The following PYGL variants were observed in gnomAD, a reference collection of about 807,000 sequenced individuals.
PYGL encodes glycogen phosphorylase L, also known as glycogen phosphorylase, liver form.
Under a neutral mutation model 100.1 loss-of-function variants are expected in PYGL, and 90 were observed. The ratio of observed to expected loss-of-function variants is 0.90; its 90% CI spans 0.76 to 1.07. The LOEUF (loss-of-function observed/expected upper bound fraction) is 1.07, where lower values mean the gene tolerates loss of function less well. Ranked by LOEUF, PYGL falls within the 50% of genes least tolerant of loss-of-function variation. The pLI, the probability that PYGL is intolerant of heterozygous loss-of-function variation, is 0.00. For synonymous variants in PYGL, 373 were observed against 393.0 expected (o/e 0.95, Z 0.60); for missense variants, 1,016 against 1,057.6 (o/e 0.96, Z 0.55).
chr14:50,928,805 G>A (rs1361473622), intron 4 of PYGL, among the ~76,000 whole-genome samples: 1 of 152,098 alleles, frequency 6.6e-6, no homozygotes, highest in Non-Finnish European at 1.5e-5. Context: ...TTGAGTGGGG[G>A]CATGACTATA....
rs2142791255 is a variant in PYGL at position 50,911,964 on chromosome 14, T to C, written c.1827+14A>G. On this transcript the variant is annotated intron_variant, in intron 15 of 19. Transcript: ENST00000216392. ...TTAGAGCCCTCAAGTCCCCATTGAA[T>C]AGATTCAACTTACTTTACCACCAAT... is the stretch of plus-strand genomic sequence containing the variant. 6.2e-7 allele frequency: 1 copy of C among 1,613,304 alleles called. No homozygotes were observed. Among genetic ancestry groups the C allele is most frequent in the East Asian group, 2.2e-5 (1 of 44,868 alleles).
intron 1 of PYGL, among the ~76,000 whole-genome samples, chr14:50,941,801 C>T (rs2050704346): frequency 6.6e-6 from 1 of 152,166 alleles, no homozygotes; most frequent in African/African-American, 2.4e-5. Context: ...TCACTTGAAC[C>T]CGAGAGGCAG....
chr14:50,920,541 A>G lies in PYGL; in HGVS notation c.855T>C (p.Asn285=), dbSNP rs1021208241. Residue 285 remains asparagine, a splice_region_variant and synonymous_variant, in exon 7 of 20, where the codon AAT becomes AAC. Coordinates refer to ENST00000216392, the MANE Select transcript of PYGL (RefSeq NM_002863.5). ...TAAGAAAGCAACCTTGATCACTCACATTGTCATTGGGATAGAGGACCCGGG... is the reference window on the plus strand; with the variant it reads ...TAAGAAAGCAACCTTGATCACTCACGTTGTCATTGGGATAGAGGACCCGGG... ...NISRVLYPND[N]FFEGKELRLK... is the part of the protein sequence containing the mutation. 1.9e-6 allele frequency: 3 copies of G among 1,609,132 alleles called. No homozygotes were observed. Among genetic ancestry groups the G allele is most frequent in the Non-Finnish European group, 2.6e-6 (3 of 1,175,498 alleles).
chr14:50,944,168 C>T lies in PYGL; in HGVS notation c.236G>A (p.Cys79Tyr), dbSNP rs749441353. The change falls in exon 1 of 20, where the codon TGC becomes TAC. Residue 79 changes from cysteine (C) to tyrosine (Y), a missense_variant. Coordinates refer to ENST00000216392, the MANE Select transcript of PYGL (RefSeq NM_002863.5). ...CGTCCCGCCCCCGGTTACCTTGGGGCACTTGTCGTAGTAGTGCTGCTGCGT... is the reference window on the plus strand; with the variant it reads ...CGTCCCGCCCCCGGTTACCTTGGGGTACTTGTCGTAGTAGTGCTGCTGCGT... Reference protein sequence around the residue: ...IRTQQHYYDKCPKRVYYLSLE... With the variant: ...IRTQQHYYDKYPKRVYYLSLE... 7 of 1,605,552 alleles carry T rather than the reference C, an allele frequency of 4.4e-6. No individual in the cohort carries two copies. Among genetic ancestry groups the T allele is most frequent in the Non-Finnish European group, 5.9e-6 (7 of 1,179,028 alleles).
In PYGL at chr14:50,915,459, C is replaced by T. The variant is rs767752682; in HGVS notation, c.1280G>A (p.Arg427Lys). The T allele has an allele frequency of 6.2e-7, 1 of 1,614,212 alleles. No homozygotes were observed. The highest frequency in any genetic ancestry group is 1.1e-5 in the South Asian group (1 of 91,082). Residue 427 changes from arginine to lysine, a missense_variant, in exon 11 of 20, where the codon AGA (arginine) becomes AAA (lysine). Transcript: ENST00000216392. Reference sequence around the variant, plus strand: ...TTCCTCTTCTATCAGAGACATCCTTCTCAGACGGTCCACATCTTTAGGAAA... The same window carrying T: ...TTCCTCTTCTATCAGAGACATCCTTTTCAGACGGTCCACATCTTTAGGAAA... ...ALFPKDVDRL[R>K]RMSLIEEEGS...
At chr14:50,924,903 C>A (rs1356388499) in intron 4 of PYGL, among the ~76,000 whole-genome samples, 1 of 152,134 alleles carries the variant, frequency 6.6e-6, no homozygotes, top group African/African-American at 2.4e-5. Flanking sequence ...ACAAACACAT[C>A]AAAATAAGAA....
At chr14:50,922,079 G>A (rs865794711) in intron 5 of PYGL, among the ~76,000 whole-genome samples, 24 of 152,164 alleles carry the variant, frequency 1.6e-4, no homozygotes, top group African/African-American at 5.3e-4. Context: ...ACAGTGCATC[G>A]AAAATTCAAG....
At position 50,908,826 on chromosome 14, in the gene PYGL, A is replaced by C; in HGVS notation, c.2307T>G (p.His769Gln). 1 of 1,565,558 alleles carries C rather than the reference A, an allele frequency of 6.4e-7. No homozygotes were observed. Among genetic ancestry groups the C allele is most frequent in the Non-Finnish European group, 8.8e-7 (1 of 1,135,838 alleles). Residue 769 changes from histidine to glutamine, a missense_variant, in exon 18 of 20, where the codon CAT becomes CAG. His to Gln is a conservative substitution (Grantham distance 24). Transcript: ENST00000216392. ...FKDIINMLFY[H>Q]DRFKVFADYE... The stretch of plus-strand genomic sequence containing the variant: ...ATCTTCTTATGGGAACTCACCTGTC[A>C]TGATAAAATAGCATGTTGATGATAT...
chr14:50,926,853 T>C (rs2050553211), intron 4 of PYGL, among the ~76,000 whole-genome samples: 1 of 152,136 alleles, frequency 6.6e-6, no homozygotes, highest in African/African-American at 2.4e-5. Flanking sequence ...CAAAATACTT[T>C]ATGCTGCACT....
At chr14:50,935,993 C>A (rs562873644) in intron 2 of PYGL, among the ~76,000 whole-genome samples, 15 of 152,322 alleles carry the variant, frequency 9.8e-5, no homozygotes, top group African/African-American at 3.4e-4. Context: ...TAGCTCCCTG[C>A]CCCAAAGTGC....
Position 50,920,536 on chromosome 14 carries a change from C to T in PYGL, c.855+5G>A. On this transcript the variant is annotated splice_donor_5th_base_variant and intron_variant, in intron 7 of 19. Transcript: ENST00000216392. Reference sequence around the variant, plus strand: ...GCCACTAAGAAAGCAACCTTGATCACTCACATTGTCATTGGGATAGAGGAC... The same window carrying T: ...GCCACTAAGAAAGCAACCTTGATCATTCACATTGTCATTGGGATAGAGGAC... 4.4e-6 allele frequency: 7 copies of T among 1,607,346 alleles called. No homozygotes were observed. Among genetic ancestry groups the T allele is most frequent in the African/African-American group, 1.3e-5 (1 of 74,876 alleles).
rs906600790 is a variant in PYGL at position 50,940,088 on chromosome 14, C to T, written c.244-2251G>A. 7.9e-5 allele frequency among the ~76,000 whole-genome samples: 12 copies of T among 152,156 alleles called. 1 individual carries two copies. Among genetic ancestry groups the T allele is most frequent in the Non-Finnish European group, 1.3e-4 (9 of 68,036 alleles). ...ACCCTCACCAGCTATTAGATACCTT[C>T]GAATGATTGGATAAAAGTACCTTCT... is the stretch of plus-strand genomic sequence containing the variant. On this transcript the variant is annotated intron_variant, in intron 1 of 19. Coordinates refer to ENST00000216392, the MANE Select transcript of PYGL (RefSeq NM_002863.5).
intron 4 of PYGL, among the ~76,000 whole-genome samples, chr14:50,926,810 GACATCAACA>G: frequency 6.8e-6 from 1 of 146,414 alleles, no homozygotes; most frequent in African/African-American, 2.5e-5. Context: ...ATAAAATGAT[GACATCAACA>G]AAGGATCAAA....
At chr14:50,918,464 G>GTA (rs989859371) in intron 7 of PYGL, among the ~76,000 whole-genome samples, 3 of 152,254 alleles carry the variant, frequency 2.0e-5, no homozygotes, top group South Asian at 2.1e-4. Context: ...ACAATATGTG[G>GTA]TATATATATA....
At position 50,923,935 on chromosome 14, in the gene PYGL, TACAAAACGCTGGCTATACGAGC is replaced by T. The variant is rs2050523960; in HGVS notation, c.660+12_660+33del. 4 of 1,598,980 alleles carry T rather than the reference TACAAAACGCTGGCTATACGAGC, an allele frequency of 2.5e-6. No individual in the cohort carries two copies. Among genetic ancestry groups the T allele is most frequent in the Non-Finnish European group, 3.4e-6 (4 of 1,166,444 alleles). On this transcript the variant is annotated intron_variant, in intron 5 of 19. Coordinates refer to ENST00000216392, the MANE Select transcript of PYGL (RefSeq NM_002863.5). ...GTATTATCTACTGTACTAAATACTA[TACAAAACGCTGGCTATACGAGC>T]ACTCTGAATACTTGAGTGTCAATCC...
At position 50,905,363 on chromosome 14, in the gene PYGL, G is replaced by A. The variant is rs1426074985; in HGVS notation, c.*29C>T. 80 of 1,578,800 alleles carry A rather than the reference G, an allele frequency of 5.1e-5. No individual in the cohort carries two copies. Among genetic ancestry groups the A allele is most frequent in the Non-Finnish European group, 6.8e-5 (79 of 1,155,674 alleles). On this transcript the variant is annotated 3_prime_UTR_variant, in exon 20 of 20. Coordinates refer to ENST00000216392, the MANE Select transcript of PYGL (RefSeq NM_002863.5). The stretch of plus-strand genomic sequence containing the variant: ...TAAAAATGTTCAAGTTCAGTAAGAA[G>A]CTATGTTTTCTAGAGACAATTCTAG...
chr14:50,920,402 C>T (rs1300624983), intron 7 of PYGL, 139 bp downstream of exon 7: 11 of 854,684 alleles, frequency 1.3e-5, no homozygotes, highest in Non-Finnish European at 2.1e-5. Context: ...GAGAAATCTA[C>T]ACAATTCAGG....
In PYGL at chr14:50,912,184, G is replaced by C; in HGVS notation, c.1740C>G (p.Asn580Lys). ...RIHEYKRQLLNCLHVITMYNR... is the reference protein window; with the variant it reads ...RIHEYKRQLLKCLHVITMYNR... ...TGTACATCGTGATCACATGCAGACA[G>C]TTCAAGAGCTGTCGCTTGTACTCAT... The change falls in exon 14 of 20, where the codon AAC becomes AAG. Residue 580 changes from asparagine (N) to lysine (K), a missense_variant. Asn to Lys is a moderately conservative substitution (Grantham distance 94). Coordinates refer to ENST00000216392, the MANE Select transcript of PYGL (RefSeq NM_002863.5). 6.2e-7 allele frequency: 1 copy of C among 1,614,228 alleles called. No individual in the cohort carries two copies.
At chr14:50,926,725 C>CAAAA (rs60411526) in intron 4 of PYGL, among the ~76,000 whole-genome samples, 15 of 42,822 alleles carry the variant, frequency 3.5e-4, no homozygotes, top group Non-Finnish European at 4.4e-4. Flanking sequence ...GACTCTGTCT[C>CAAAA]AAAAAAAAAA....
Sources: gnomAD v4.1 joint callset for allele counts (sites outside exome capture counted in the v4.1 genomes callset) on GRCh38, gnomAD v4.1.1 for gene constraint, MANE v1.5 for transcripts, NCBI Gene and HGNC (gene_info 2026-07-23, HGNC 2026-07-21) for gene names.